Variants in GPATCH1 observed in about 807,000 individuals in gnomAD.
The protein encoded by GPATCH1 is G-patch domain containing 1.
A neutral mutation model predicts 114.9 loss-of-function variants in GPATCH1; 73 were observed. The observed-to-expected ratio is 0.64, with a 90% CI of 0.53 to 0.77. The LOEUF is 0.77. Ranked by LOEUF, GPATCH1 falls within the 30% of genes least tolerant of loss-of-function variation. The probability of loss-of-function intolerance (pLI) is 0.00; values close to 1 mark genes in which losing one functional copy is unlikely to be tolerated. For synonymous variants in GPATCH1, 391 were observed against 428.4 expected, an observed-to-expected ratio of 0.91 and a Z score of 1.08; for missense variants, 1,058 against 1,144.3, an observed-to-expected ratio of 0.92 and a Z score of 1.09.
At chr19:33,110,047 C>T (rs529868679) in intron 11 of GPATCH1, 31 bp downstream of exon 11, 45 of 1,550,760 alleles carry the variant, frequency 2.9e-5, no homozygotes, top group South Asian at 1.8e-4. Context: ...TCCCAAATCT[C>T]GGCCCGGGCG....
intron 15 of GPATCH1, among the ~76,000 whole-genome samples, chr19:33,116,592 C>T (rs1207628286): frequency 1.3e-5 from 2 of 152,112 alleles, no homozygotes; most frequent in African/African-American, 2.4e-5. Flanking sequence ...GGCAGTGGCG[C>T]GATCTCAGCT....
intron 3 of GPATCH1, among the ~76,000 whole-genome samples, chr19:33,092,978 C>T (rs1294765740): frequency 1.3e-5 from 2 of 152,146 alleles, no homozygotes; most frequent in African/African-American, 4.8e-5. Flanking sequence ...CACCTGAGGT[C>T]AGGAGTTCGA....
At chr19:33,096,123 A>G in intron 6 of GPATCH1, 84 bp from the exon 7 acceptor site, 2 of 1,369,298 alleles carry the variant, frequency 1.5e-6, no homozygotes, top group Non-Finnish European at 2.0e-6. Flanking sequence ...TGTGGCATTA[A>G]TCACTGCGTT....
Position 33,119,093 on chromosome 19 carries a change from C to T in GPATCH1, c.2497C>T (p.Arg833Trp), listed in dbSNP as rs374820269. ...QIDEREEFGP[R>W]LPPVFCPNAR... ...AGATGAAAGAGAAGAGTTCGGCCCG[C>T]GGCTGCCTCCCGTCTTCTGCCCCAG... Residue 833 changes from arginine to tryptophan, a missense_variant, in exon 17 of 20, where the codon CGG (arginine) becomes TGG (tryptophan). Physicochemically the swap from Arg to Trp is moderately radical, Grantham distance 101. Transcript: ENST00000170564. 1.3e-5 allele frequency: 21 copies of T among 1,610,274 alleles called. No individual in the cohort carries two copies. Among genetic ancestry groups the T allele is most frequent in the Admixed American group, 5.0e-5 (3 of 59,694 alleles).
chr19:33,121,025 A>T (rs914259148), intron 17 of GPATCH1, among the ~76,000 whole-genome samples: 6 of 151,938 alleles, frequency 3.9e-5, no homozygotes, highest in South Asian at 4.1e-4. Context: ...AAAAAAAATT[A>T]AAAAAGAAAA....
intron 19 of GPATCH1, 57 bp from the exon 20 acceptor site, chr19:33,130,073 T>G: frequency 1.5e-6 from 2 of 1,344,682 alleles, no homozygotes; most frequent in Non-Finnish European, 2.1e-6. Flanking sequence ...CACGGAGCTG[T>G]TTGGTTTTTC....
At chr19:33,094,512 A>C (rs1445287244) in intron 5 of GPATCH1, among the ~76,000 whole-genome samples, 1 of 152,136 alleles carries the variant, frequency 6.6e-6, no homozygotes, top group Non-Finnish European at 1.5e-5. Flanking sequence ...GGGTTTTGCC[A>C]TGTTGCCCAG....
chr19:33,125,260 C>T, intron 18 of GPATCH1, 58 bp downstream of exon 18: 1 of 1,553,840 alleles, frequency 6.4e-7, no homozygotes, highest in Non-Finnish European at 8.7e-7. Flanking sequence ...TGGTCAGCCC[C>T]CAGGAGTGTC....
intron 9 of GPATCH1, among the ~76,000 whole-genome samples, chr19:33,106,390 A>C (rs1004576588): frequency 2.0e-5 from 3 of 152,162 alleles, no homozygotes; most frequent in Admixed American, 2.0e-4. Context: ...CCTGACATTT[A>C]TGATCTATTG....
At chr19:33,123,547 C>T (rs1221245829) in intron 17 of GPATCH1, among the ~76,000 whole-genome samples, 9 of 151,942 alleles carry the variant, frequency 5.9e-5, no homozygotes, top group East Asian at 1.9e-4. Context: ...TCCAAAAGTT[C>T]GATAACAGCC....
Position 33,117,970 on chromosome 19 carries a change from C to G in GPATCH1, c.2342C>G (p.Ala781Gly). 5 of 1,613,858 alleles carry G rather than the reference C, an allele frequency of 3.1e-6. No individual in the cohort carries two copies. The highest frequency in any genetic ancestry group is 4.2e-6 in the Non-Finnish European group (5 of 1,179,938). Residue 781 changes from alanine to glycine, a missense_variant, in exon 16 of 20, where the codon GCA becomes GGA. Around this residue, in one of 3 missense-constraint regions of GPATCH1, gnomAD observed 893 missense variants for 977.4 expected, o/e 0.91. Coordinates refer to ENST00000170564, the MANE Select transcript of GPATCH1 (RefSeq NM_018025.3). ...CAAGGTGACAGTGAAGATGATCAGG[C>G]AGGCTCTGGGGAGGCCAACTTCCAA... ...DEQGDSEDDQ[A>G]GSGEANFQSS... is the part of the protein sequence containing the mutation.
intron 19 of GPATCH1, among the ~76,000 whole-genome samples, chr19:33,129,604 T>C (rs1208839965): frequency 6.6e-6 from 1 of 151,950 alleles, no homozygotes; most frequent in Non-Finnish European, 1.5e-5. Context: ...ATACGAGGTG[T>C]GGGTGAGTGA....
At chr19:33,114,451 G>A (rs767835393) in intron 15 of GPATCH1, 32 bp downstream of exon 15, 11 of 1,507,192 alleles carry the variant, frequency 7.3e-6, no homozygotes, top group Non-Finnish European at 9.0e-6. Flanking sequence ...TCTTTGCCAC[G>A]CTGAGTGTGG....
chr19:33,120,728 G>A (rs949601956), intron 17 of GPATCH1, among the ~76,000 whole-genome samples: 5 of 151,954 alleles, frequency 3.3e-5, no homozygotes, highest in South Asian at 4.2e-4. Context: ...GGTGGCTCAC[G>A]CCTGTCATCC....
rs535322957 is a variant in GPATCH1 at position 33,087,715 on chromosome 19, G to T, written c.74-419G>T. Among the ~76,000 whole-genome samples, 14 of 147,814 alleles carry T rather than the reference G, an allele frequency of 9.5e-5. No homozygotes were observed. In the East Asian group the frequency reaches 2.4e-3, roughly 25 times the overall value. ...TTTTTTTTTTTGGGGGAGAAGTCTCGCTGTGTCTCCCATGCTGGAGTGCAG... is the reference window on the plus strand; with the variant it reads ...TTTTTTTTTTTGGGGGAGAAGTCTCTCTGTGTCTCCCATGCTGGAGTGCAG... On this transcript the variant is annotated intron_variant, in intron 1 of 19. Transcript: ENST00000170564.
chr19:33,088,342 C>CA, intron 2 of GPATCH1, 74 bp downstream of exon 2: 1 of 871,066 alleles, frequency 1.1e-6, no homozygotes, highest in Non-Finnish European at 1.7e-6. Flanking sequence ...CTCACCCTTG[C>CA]TTTTTTTTTT....
chr19:33,119,942 T>C (rs1164823551), intron 17 of GPATCH1, among the ~76,000 whole-genome samples: 1 of 145,250 alleles, frequency 6.9e-6, no homozygotes, highest in Admixed American at 7.0e-5. Flanking sequence ...TATATATTTT[T>C]ATATTTTATA....
intron 1 of GPATCH1, among the ~76,000 whole-genome samples, chr19:33,085,612 G>T (rs1010433777): frequency 6.6e-6 from 1 of 152,180 alleles, no homozygotes; most frequent in Admixed American, 6.6e-5. Context: ...GGCATCTCTG[G>T]CTTGGAGACA....
intron 1 of GPATCH1, among the ~76,000 whole-genome samples, chr19:33,083,401 T>G (rs996811905): frequency 2.6e-5 from 4 of 150,986 alleles, no homozygotes; most frequent in East Asian, 3.9e-4. Context: ...TTTTTGTTTT[T>G]TTTTTTTTTC....
Sources: gnomAD v4.1 joint callset for allele counts (sites outside exome capture counted in the v4.1 genomes callset) on GRCh38, gnomAD v4.1.1 for gene constraint, gnomAD v4.1.1 regional missense constraint, MANE v1.5 for transcripts, NCBI Gene and HGNC (gene_info 2026-07-23, HGNC 2026-07-21) for gene names.